The following SHANK1 variants were observed in gnomAD, a reference collection of about 807,000 sequenced individuals.
SHANK1 encodes SH3 and multiple ankyrin repeat domains 1.
SHANK1 carries 35 observed loss-of-function variants against 165.6 expected under a neutral mutation model. The observed-to-expected ratio is 0.21, with a 90% CI of 0.16 to 0.28. The LOEUF (loss-of-function observed/expected upper bound fraction) is 0.28. SHANK1 is among the 10% of genes least tolerant of loss of function. The probability of loss-of-function intolerance (pLI) is 1.00; values close to 1 mark genes in which losing one functional copy is unlikely to be tolerated. For synonymous variants in SHANK1, 1,428 were observed against 1,384.8 expected (o/e 1.03, Z -0.69); for missense variants, 2,681 against 3,036.4 (o/e 0.88, Z 2.75).
In SHANK1 at chr19:50,686,332, C is replaced by T. The variant is rs753641709; in HGVS notation, c.2482G>A (p.Ala828Thr). The T allele has an allele frequency of 3.7e-6, 6 of 1,600,508 alleles. No homozygotes were observed. Among genetic ancestry groups the T allele is most frequent in the Middle Eastern group, 3.3e-4 (2 of 6,018 alleles). ...ALNKLDEILA[A>T]AQQTISASES... is the part of the protein sequence containing the mutation. ...CTTGCACTGATGGTCTGTTGAGCTG[C>T]GGCCAGGATTTCGTCCAGTTTGTCT... The change falls in exon 21 of 24, where the codon GCA (alanine) becomes ACA (threonine). Residue 828 changes from alanine (A) to threonine (T), a missense_variant. This residue lies in a region of SHANK1 where 206 missense variants were observed against 216.0 expected (regional missense o/e 0.95). Coordinates refer to ENST00000293441, the MANE Select transcript of SHANK1 (RefSeq NM_016148.5). This position sits in a 1 kb window ranked among gnomAD's most constrained non-coding sequence, Gnocchi z 5.7.
chr19:50,687,826 G>A, intron 18 of SHANK1, 97 bp downstream of exon 18: 1 of 1,509,596 alleles, frequency 6.6e-7, no homozygotes, highest in African/African-American at 1.4e-5. Context: ...CAGTGCTAGG[G>A]AAGGGAAGGC....
Position 50,659,517 on chromosome 19 carries a change from C to T in SHANK1, c.*2448G>A, listed in dbSNP as rs1985100760. Among the ~76,000 whole-genome samples the T allele has an allele frequency of 6.6e-6, 1 of 151,868 alleles. No individual in the cohort carries two copies. Among genetic ancestry groups the T allele is most frequent in the South Asian group, 2.1e-4 (1 of 4,798 alleles). ...GCTTTCAGCGCGTGCCGAGCCCTGT[C>T]TCAGCGAGAATCAGACGTCCTCATC... On this transcript the variant is annotated 3_prime_UTR_variant, in exon 24 of 24. Coordinates refer to ENST00000293441, the MANE Select transcript of SHANK1 (RefSeq NM_016148.5).
rs754042659 is a variant in SHANK1, at chr19:50,704,408, AC to A, written c.1155+28del. On this transcript the variant is annotated intron_variant, in intron 9 of 23. Coordinates refer to ENST00000293441, the MANE Select transcript of SHANK1 (RefSeq NM_016148.5). ...TGTCACCCTTTCCTTAGCCCTGGAA[AC>A]TCCAGCACATCCCCTGCAGCCCCAG... 8.1e-6 allele frequency: 13 copies of A among 1,603,990 alleles called. No homozygotes were observed. The African/African-American group carries it at 1.1e-4, about 13-fold the overall frequency.
intron 21 of SHANK1, among the ~76,000 whole-genome samples, chr19:50,675,584 G>A (rs4802727): frequency 0.52 from 78,724 of 151,808 alleles, 20,641 homozygotes; most frequent in African/African-American, 0.58. Flanking sequence ...CTGCAGATAC[G>A]ACAAATTAGA....
intron 19 of SHANK1, 96 bp downstream of exon 19, chr19:50,687,486 C>G: frequency 1.1e-6 from 1 of 939,978 alleles, no homozygotes. Context: ...GACAAGGACC[C>G]CTGGTCACTA....
chr19:50,677,332 T>C (rs1426575807), intron 21 of SHANK1, among the ~76,000 whole-genome samples: 1 of 152,114 alleles, frequency 6.6e-6, no homozygotes. Flanking sequence ...TTCACCATGT[T>C]GCCCAGGCTT....
chr19:50,715,802 G>A, intron 3 of SHANK1, 72 bp from the exon 4 acceptor site: 13 of 1,413,972 alleles, frequency 9.2e-6, no homozygotes, highest in Non-Finnish European at 1.2e-5. Flanking sequence ...AAGGCTTGGG[G>A]TAGGGGAAGG....
At chr19:50,677,127 CTTT>C (rs750956099) in intron 21 of SHANK1, among the ~76,000 whole-genome samples, 5 of 138,122 alleles carry the variant, frequency 3.6e-5, no homozygotes, top group African/African-American at 2.7e-5. Flanking sequence ...CTATCTCATA[CTTT>C]TTTTTTTTTT....
rs567833683 is a variant in SHANK1 at position 50,660,397 on chromosome 19, G to T, written c.*1568C>A. Among the ~76,000 whole-genome samples the T allele has an allele frequency of 6.6e-6, 1 of 152,026 alleles. No homozygotes were observed. Among genetic ancestry groups the T allele is most frequent in the African/African-American group, 2.4e-5 (1 of 41,396 alleles). On this transcript the variant is annotated 3_prime_UTR_variant, in exon 24 of 24. Transcript: ENST00000293441. The stretch of plus-strand genomic sequence containing the variant: ...GAGGGCTGGAGGCAGGGAGAGGCTC[G>T]AGTGTGGAAGCATGGTGAGCAGGAA...
rs1004122234 is a variant in SHANK1, at chr19:50,718,192, G to A, written c.-44+1214C>T. On this transcript the variant is annotated intron_variant, in intron 1 of 23. Transcript: ENST00000293441. The surrounding 1 kb of genome is among the most constrained non-coding windows in gnomAD (Gnocchi z 5.1). ...GAGGAGAGTTCCAGGAGGTGTGGGC[G>A]AGCGAGCCTCTAACCCAGGGCCGGC... 3.3e-5 allele frequency among the ~76,000 whole-genome samples: 5 copies of A among 152,144 alleles called. No homozygotes were observed. Among genetic ancestry groups the A allele is most frequent in the Admixed American group, 6.5e-5 (1 of 15,282 alleles).
chr19:50,709,576 G>C (rs1203178368), intron 8 of SHANK1, among the ~76,000 whole-genome samples: 1 of 151,568 alleles, frequency 6.6e-6, no homozygotes, highest in Non-Finnish European at 1.5e-5. Flanking sequence ...TTAAGGCAGG[G>C]TCTCACTCTG....
At chr19:50,707,296 TAGA>T (rs1422081815) in intron 8 of SHANK1, among the ~76,000 whole-genome samples, 1 of 152,208 alleles carries the variant, frequency 6.6e-6, no homozygotes, top group Non-Finnish European at 1.5e-5. Context: ...GACTATTCGG[TAGA>T]AGGAGTGTCC....
At chr19:50,707,189 G>T (rs957865611) in intron 8 of SHANK1, among the ~76,000 whole-genome samples, 8 of 152,170 alleles carry the variant, frequency 5.3e-5, no homozygotes, top group Non-Finnish European at 1.2e-4. Context: ...CCTGTTATTT[G>T]TCTCAGTAGT....
intron 8 of SHANK1, among the ~76,000 whole-genome samples, chr19:50,707,688 T>G (rs2088956013): frequency 6.6e-6 from 1 of 151,778 alleles, no homozygotes; most frequent in South Asian, 2.1e-4. Flanking sequence ...CCTGGCCTTC[T>G]GATCCTATGG....
chr19:50,666,220 C>A lies in SHANK1; in HGVS notation c.5740G>T (p.Glu1914Ter). ...SHHGGASYVP[E>*]RTSSLQRQRL... ...TGCCGCTGCAGGGAGGAGGTCCTCT[C>A]GGGGACATAGCTGGCTCCCCCGTGG... is the stretch of plus-strand genomic sequence containing the variant. The change falls in exon 23 of 24, where the codon GAG becomes TAG. Residue 1914 changes from glutamate to a stop codon, truncating the protein, a stop_gained. Transcript: ENST00000293441. LOFTEE classifies it high-confidence loss of function. 1 of 1,605,610 alleles carries A rather than the reference C, an allele frequency of 6.2e-7. No homozygotes were observed. The highest frequency in any genetic ancestry group is 8.5e-7 in the Non-Finnish European group (1 of 1,176,814).
rs1395748226 is a variant in SHANK1, at chr19:50,716,467, G to T, written c.267C>A (p.Arg89=). 2 of 1,614,046 alleles carry T rather than the reference G, an allele frequency of 1.2e-6. No homozygotes were observed. Among genetic ancestry groups the T allele is most frequent in the Non-Finnish European group, 1.7e-6 (2 of 1,180,032 alleles). ...IPDLHQTKCL[R]FNPDATIWTA... Reference sequence around the variant, plus strand: ...TCCAGATGGTGGCATCGGGGTTGAAGCGAAGGCATTTCTGGTTGGGGAAGA... The same window carrying T: ...TCCAGATGGTGGCATCGGGGTTGAATCGAAGGCATTTCTGGTTGGGGAAGA... The change falls in exon 3 of 24, where the codon CGC becomes CGA. Residue 89 remains arginine (R), a synonymous_variant. Transcript: ENST00000293441. This position sits in a 1 kb window ranked among gnomAD's most constrained non-coding sequence, Gnocchi z 8.4.
Position 50,667,163 on chromosome 19 carries a change from G to A in SHANK1, c.4797C>T (p.Ala1599=). The A allele has an allele frequency of 1.9e-6, 3 of 1,558,946 alleles. No homozygotes were observed. Among genetic ancestry groups the A allele is most frequent in the Non-Finnish European group, 2.6e-6 (3 of 1,158,926 alleles). ...PHPLPDTPAP[A]TPLPPVPPPA... is the part of the protein sequence containing the mutation. ...GGGGTGGCACAGGGGGTAACGGGGTGGCAGGGGCAGGTGTGTCGGGCAGCG... is the reference window on the plus strand; with the variant it reads ...GGGGTGGCACAGGGGGTAACGGGGTAGCAGGGGCAGGTGTGTCGGGCAGCG... Residue 1599 remains alanine, a synonymous_variant, in exon 23 of 24, where the codon GCC becomes GCT. Coordinates refer to ENST00000293441, the MANE Select transcript of SHANK1 (RefSeq NM_016148.5). The surrounding 1 kb of genome is among the most constrained non-coding windows in gnomAD (Gnocchi z 5.7).
chr19:50,683,030 C>T (rs1395022757), intron 21 of SHANK1, among the ~76,000 whole-genome samples: 2 of 152,106 alleles, frequency 1.3e-5, no homozygotes, highest in Admixed American at 6.5e-5. Context: ...GGGATTTTTG[C>T]CATGTTGCCC....
At chr19:50,705,687 C>G (rs969495685) in intron 8 of SHANK1, among the ~76,000 whole-genome samples, 3 of 152,258 alleles carry the variant, frequency 2.0e-5, no homozygotes, top group African/African-American at 7.2e-5. Flanking sequence ...CCAAGTGTCC[C>G]CTGGGAGACA....
Sources: gnomAD v4.1 joint callset for allele counts (sites outside exome capture counted in the v4.1 genomes callset) on GRCh38, gnomAD v4.1.1 for gene constraint, gnomAD v4.1.1 regional missense constraint, Gnocchi (gnomAD v3.1) non-coding constraint, MANE v1.5 for transcripts, NCBI Gene and HGNC (gene_info 2026-07-23, HGNC 2026-07-21) for gene names.